The following MAD1L1 variants were observed in gnomAD, a reference collection of about 807,000 sequenced individuals.
MAD1L1 encodes the protein mitotic arrest deficient 1 like 1, also known as mitotic spindle assembly checkpoint protein MAD1.
MAD1L1 carries 95 observed loss-of-function variants against 96.9 expected under a neutral mutation model. The ratio of observed to expected loss-of-function variants is 0.98; its 90% CI spans 0.83 to 1.16. MAD1L1 has a LOEUF of 1.16. Among genes scored for constraint, MAD1L1 ranks in the 50% most tolerant of loss-of-function variants. MAD1L1 has a pLI of 0.00. For synonymous variants in MAD1L1, 473 were observed against 396.6 expected, an observed-to-expected ratio of 1.19 and a Z score of -2.29; for missense variants, 1,007 against 954.4, an observed-to-expected ratio of 1.06 and a Z score of -0.73.
chr7:1,901,243 T>C (rs1335473782), intron 17 of MAD1L1, among the ~76,000 whole-genome samples: 4 of 152,222 alleles, frequency 2.6e-5, no homozygotes, highest in African/African-American at 9.6e-5. Flanking sequence ...GAATGAATAA[T>C]TCACACGATG....
chr7:2,203,448 G>T (rs904131273), intron 10 of MAD1L1, among the ~76,000 whole-genome samples: 1 of 152,256 alleles, frequency 6.6e-6, no homozygotes, highest in Non-Finnish European at 1.5e-5. Context: ...CTTTTCGGGA[G>T]GGCGGTGTGG....
At chr7:1,945,530 A>G (rs1022048840) in intron 16 of MAD1L1, among the ~76,000 whole-genome samples, 18 of 152,170 alleles carry the variant, frequency 1.2e-4, no homozygotes, top group Admixed American at 2.0e-4. Context: ...CACAGCCGCA[A>G]CCCAGGAGAA....
intron 10 of MAD1L1, among the ~76,000 whole-genome samples, chr7:2,179,631 A>G (rs1477769942): frequency 6.6e-6 from 1 of 152,002 alleles, no homozygotes; most frequent in African/African-American, 2.4e-5. Context: ...AAGAGTTATT[A>G]CTTGACCCAT....
intron 11 of MAD1L1, 90 bp downstream of exon 11, chr7:2,149,062 C>T: frequency 8.8e-7 from 1 of 1,130,754 alleles, no homozygotes; most frequent in Admixed American, 1.9e-5. Context: ...GACAGCCATC[C>T]CCCAAGAGCC....
intron 18 of MAD1L1, among the ~76,000 whole-genome samples, chr7:1,851,039 C>CT (rs1783946537): frequency 6.6e-6 from 1 of 152,226 alleles, no homozygotes; most frequent in South Asian, 2.1e-4. Context: ...ACCGTGGCAG[C>CT]CCGGCTGGAG....
At chr7:2,057,443 G>A (rs1784428523) in intron 12 of MAD1L1, among the ~76,000 whole-genome samples, 1 of 152,174 alleles carries the variant, frequency 6.6e-6, no homozygotes, top group East Asian at 1.9e-4. Context: ...GAACCCGGGA[G>A]GCAGAGGTTG....
At chr7:2,108,035 C>T (rs958188339) in intron 11 of MAD1L1, among the ~76,000 whole-genome samples, 4 of 151,932 alleles carry the variant, frequency 2.6e-5, no homozygotes, top group Non-Finnish European at 5.9e-5. Flanking sequence ...TCCAGGTGCT[C>T]GGAAAACACC....
intron 18 of MAD1L1, among the ~76,000 whole-genome samples, chr7:1,862,115 C>G (rs1265527185): frequency 6.6e-6 from 1 of 152,208 alleles, no homozygotes; most frequent in Non-Finnish European, 1.5e-5. Flanking sequence ...CACAGAGAAA[C>G]TCGGGGAGCT....
At chr7:1,944,293 C>T (rs1025613295) in intron 16 of MAD1L1, among the ~76,000 whole-genome samples, 23 of 152,150 alleles carry the variant, frequency 1.5e-4, no homozygotes, top group African/African-American at 5.3e-4. Flanking sequence ...CGAAGGGTGA[C>T]GGTGGTTGCA....
At chr7:2,220,981 G>A (rs772783709) in intron 5 of MAD1L1, 20 of 1,612,286 alleles carry the variant, frequency 1.2e-5, no homozygotes, top group Middle Eastern at 1.6e-4. Context: ...AGGAAGAGGC[G>A]CATAAGATAA....
In MAD1L1 at chr7:2,227,986, G is replaced by A. The variant is rs563810685; in HGVS notation, c.150+1998C>T. 3.5e-4 allele frequency among the ~76,000 whole-genome samples: 53 copies of A among 152,208 alleles called. No individual in the cohort carries two copies. The South Asian group carries it at 0.011, about 31-fold the overall frequency. ...AGCACACATTCCCCCGGCCTGCCAT[G>A]TTCTCCAGGCCCTCCCTGCCACGCC... On this transcript the variant is annotated intron_variant, in intron 3 of 18. Coordinates refer to ENST00000265854, the MANE Select transcript of MAD1L1 (RefSeq NM_001013836.2).
chr7:2,109,998 G>A (rs1480639946), intron 11 of MAD1L1, among the ~76,000 whole-genome samples: 2 of 152,264 alleles, frequency 1.3e-5, no homozygotes, highest in Admixed American at 6.5e-5. Flanking sequence ...TTGTGAGAGT[G>A]CAGACCCAGC....
intron 18 of MAD1L1, among the ~76,000 whole-genome samples, chr7:1,886,525 G>A (rs1487160875): frequency 6.6e-6 from 1 of 152,164 alleles, no homozygotes; most frequent in Non-Finnish European, 1.5e-5. Context: ...CGGCTGAGTG[G>A]GAGAGCACGG....
chr7:1,891,349 C>G (rs573091746), intron 18 of MAD1L1, among the ~76,000 whole-genome samples: 1 of 151,960 alleles, frequency 6.6e-6, no homozygotes, highest in Admixed American at 6.6e-5. Context: ...CATGGTGAAA[C>G]CCCGTCTCTA....
chr7:2,075,714 G>A (rs890904163), intron 11 of MAD1L1, among the ~76,000 whole-genome samples: 1 of 152,148 alleles, frequency 6.6e-6, no homozygotes, highest in African/African-American at 2.4e-5. Context: ...GAAACTCCCG[G>A]CCTAAGAATA....
intron 15 of MAD1L1, 37 bp from the exon 16 acceptor site, chr7:1,957,756 G>T: frequency 6.2e-7 from 1 of 1,600,700 alleles, no homozygotes; most frequent in Non-Finnish European, 8.6e-7. Context: ...GGTGTCCGAG[G>T]CCAGCCATGC....
At chr7:2,138,607 CG>C (rs1251052032) in intron 11 of MAD1L1, among the ~76,000 whole-genome samples, 1 of 152,186 alleles carries the variant, frequency 6.6e-6, no homozygotes, top group East Asian at 1.9e-4. Context: ...GGGCCTCCCC[CG>C]CTCTCAAGGC....
At chr7:1,938,586 C>T (rs1778735875) in intron 16 of MAD1L1, among the ~76,000 whole-genome samples, 1 of 152,192 alleles carries the variant, frequency 6.6e-6, no homozygotes, top group Admixed American at 6.5e-5. Flanking sequence ...TCAGAAATAA[C>T]CAAGGGCATG....
At chr7:1,870,394 A>T (rs71523269) in intron 18 of MAD1L1, among the ~76,000 whole-genome samples, 1 of 114,654 alleles carries the variant, frequency 8.7e-6, no homozygotes, top group Non-Finnish European at 1.9e-5. Context: ...TGAACCCACC[A>T]TAACACCTGC....
Sources: allele counts gnomAD v4.1 joint callset (sites outside exome capture counted in the v4.1 genomes callset), GRCh38; gene constraint gnomAD v4.1.1; transcripts MANE v1.5; gene names NCBI Gene and HGNC (gene_info 2026-07-23, HGNC 2026-07-21).